Variants in CNTN5 observed in about 807,000 individuals in gnomAD.
The protein encoded by CNTN5 is contactin-5.
In CNTN5, 77 loss-of-function variants were observed where a neutral mutation model predicts 129.1. The ratio of observed to expected loss-of-function variants is 0.60; its 90% CI spans 0.50 to 0.72. The LOEUF (loss-of-function observed/expected upper bound fraction) is 0.72. Ranked by LOEUF, CNTN5 falls within the 30% of genes least tolerant of loss-of-function variation. CNTN5 has a pLI of 0.00. For synonymous variants in CNTN5, 509 were observed against 465.6 expected (o/e 1.09, Z -1.20); for missense variants, 1,478 against 1,328.8 (o/e 1.11, Z -1.75).
intron 13 of CNTN5, among the ~76,000 whole-genome samples, chr11:100,181,234 A>G (rs1948130470): frequency 6.6e-6 from 1 of 152,096 alleles, no homozygotes; most frequent in Non-Finnish European, 1.5e-5. Context: ...AAAAGGAAAT[A>G]AACTACTGAT....
chr11:99,352,292 C>T (rs1444639252), intron 2 of CNTN5, among the ~76,000 whole-genome samples: 3 of 152,020 alleles, frequency 2.0e-5, no homozygotes, highest in Non-Finnish European at 4.4e-5. Context: ...TTTAGGATGC[C>T]TATTAGAGCC....
chr11:99,795,329 G>T (rs74731788), intron 3 of CNTN5, among the ~76,000 whole-genome samples: 2,168 of 152,196 alleles, frequency 0.014, 53 homozygotes, highest in African/African-American at 0.048. Context: ...TCATTTTATT[G>T]TATTCCTTAG....
intron 8 of CNTN5, among the ~76,000 whole-genome samples, chr11:99,971,730 T>C (rs1951260850): frequency 6.6e-6 from 1 of 151,884 alleles, no homozygotes; most frequent in Non-Finnish European, 1.5e-5. Context: ...GAAATTATGG[T>C]CAAAGAATAA....
intron 13 of CNTN5, among the ~76,000 whole-genome samples, chr11:100,185,923 GT>G (rs1482302311): frequency 1.8e-4 from 28 of 152,152 alleles, no homozygotes; most frequent in Non-Finnish European, 1.5e-5. Context: ...ATAAATTTCT[GT>G]TGTTAAACAA....
intron 3 of CNTN5, among the ~76,000 whole-genome samples, chr11:99,694,900 A>G: frequency 6.6e-6 from 1 of 152,078 alleles, no homozygotes; most frequent in Non-Finnish European, 1.5e-5. Context: ...AAAATTCCCC[A>G]TTTTACTGAT....
rs909344228 is a variant in CNTN5, at chr11:99,611,182, T to C, written c.55+54913T>C. Among the ~76,000 whole-genome samples the C allele has an allele frequency of 2.0e-5, 3 of 152,192 alleles. No homozygotes were observed. The South Asian group carries it at 6.2e-4, about 31-fold the overall frequency. On this transcript the variant is annotated intron_variant, in intron 3 of 24. Transcript: ENST00000524871. The stretch of plus-strand genomic sequence containing the variant: ...GTACCTTCATACATCAAAAAGTTTA[T>C]TTGAATAATTACATATTGTCCACAT...
intron 1 of CNTN5, among the ~76,000 whole-genome samples, chr11:99,193,740 T>C (rs1384750916): frequency 6.6e-6 from 1 of 152,098 alleles, no homozygotes; most frequent in Non-Finnish European, 1.5e-5. Context: ...CAGGCAGATA[T>C]AAATACAAAT....
At chr11:99,956,550 ACATGTT>A (rs1198209123) in intron 7 of CNTN5, among the ~76,000 whole-genome samples, 1 of 152,092 alleles carries the variant, frequency 6.6e-6, no homozygotes, top group Non-Finnish European at 1.5e-5. Context: ...AGTACCTAAA[ACATGTT>A]CAGTACACAT....
Position 100,357,692 on chromosome 11 carries a change from A to C in CNTN5, c.*1472A>C, listed in dbSNP as rs1048998972. ...TAATTTTATATAATTTAAACTTGTT[A>C]ACTGTATTTGCTTCATTAATAACAA... On this transcript the variant is annotated 3_prime_UTR_variant, in exon 25 of 25. Coordinates refer to ENST00000524871, the MANE Select transcript of CNTN5 (RefSeq NM_014361.4). The C allele has an allele frequency of 3.3e-5, 5 of 151,448 alleles. No homozygotes were observed. The highest frequency in any genetic ancestry group is 1.2e-4 in the African/African-American group (5 of 41,092). 9.4% of individuals were successfully genotyped at this position (151,448 alleles called of 1,614,324 possible).
intron 1 of CNTN5, among the ~76,000 whole-genome samples, chr11:99,196,959 A>C (rs1360613246): frequency 6.6e-6 from 1 of 151,930 alleles, no homozygotes; most frequent in Non-Finnish European, 1.5e-5. Flanking sequence ...CACAGAACAC[A>C]GTAAATACAC....
intron 1 of CNTN5, among the ~76,000 whole-genome samples, chr11:99,218,332 G>A (rs1474261068): frequency 6.6e-6 from 1 of 151,946 alleles, no homozygotes; most frequent in Non-Finnish European, 1.5e-5. Context: ...CCAAGTTCCA[G>A]GACCTCTTAT....
intron 1 of CNTN5, among the ~76,000 whole-genome samples, chr11:99,078,981 T>G (rs1471145749): frequency 6.6e-6 from 1 of 152,160 alleles, no homozygotes; most frequent in African/African-American, 2.4e-5. Context: ...GACAAATACT[T>G]GAGGTGATGG....
At chr11:100,048,541 C>A (rs971952838) in intron 9 of CNTN5, among the ~76,000 whole-genome samples, 1 of 151,826 alleles carries the variant, frequency 6.6e-6, no homozygotes, top group Admixed American at 6.6e-5. Flanking sequence ...TAGAAGTTAT[C>A]TTTATGAAAG....
intron 3 of CNTN5, among the ~76,000 whole-genome samples, chr11:99,708,392 GAC>G (rs1954839047): frequency 1.3e-5 from 2 of 151,764 alleles, no homozygotes; most frequent in East Asian, 3.9e-4. Context: ...GCATGACAAA[GAC>G]AAATACATTC....
At chr11:99,069,216 C>T (rs887352910) in intron 1 of CNTN5, among the ~76,000 whole-genome samples, 1 of 152,048 alleles carries the variant, frequency 6.6e-6, no homozygotes, top group Non-Finnish European at 1.5e-5. Context: ...TACAACCCTC[C>T]TTTCAGATAA....
chr11:99,755,543 AT>A (rs539377852), intron 3 of CNTN5, among the ~76,000 whole-genome samples: 3 of 150,738 alleles, frequency 2.0e-5, no homozygotes, highest in Non-Finnish European at 4.4e-5. Context: ...TTCTTTTGAG[AT>A]TTTTTTCTGT....
At chr11:100,071,971 T>A in intron 12 of CNTN5, 137 bp downstream of exon 12, 1 of 809,018 alleles carries the variant, frequency 1.2e-6, no homozygotes, top group Admixed American at 3.4e-5. Context: ...TATGTCTTGC[T>A]GATTTTTTTT....
At chr11:99,307,500 C>A (rs1410986869) in intron 1 of CNTN5, among the ~76,000 whole-genome samples, 1 of 152,192 alleles carries the variant, frequency 6.6e-6, no homozygotes, top group East Asian at 1.9e-4. Context: ...ACTATAATAT[C>A]TTGGATAATT....
chr11:99,767,318 A>G (rs529122657), intron 3 of CNTN5, among the ~76,000 whole-genome samples: 3 of 152,086 alleles, frequency 2.0e-5, no homozygotes, highest in African/African-American at 7.2e-5. Context: ...GAGACAGACT[A>G]TGTAGAACTG....
Sources: allele counts gnomAD v4.1 joint callset (sites outside exome capture counted in the v4.1 genomes callset), GRCh38; gene constraint gnomAD v4.1.1; transcripts MANE v1.5; gene names NCBI Gene and HGNC (gene_info 2026-07-23, HGNC 2026-07-21).